CEACAM1: variants seen among roughly 807,000 people sequenced by gnomAD.
The protein encoded by CEACAM1 is cell adhesion molecule CEACAM1.
In CEACAM1, 31 loss-of-function variants were observed where a neutral mutation model predicts 49.1. That is an observed-to-expected ratio of 0.63 (90% CI 0.47 to 0.85). The LOEUF (loss-of-function observed/expected upper bound fraction) is 0.85, where lower values mean the gene tolerates loss of function less well. CEACAM1 is among the 40% of genes least tolerant of loss of function. The pLI is 0.00. For missense variants in CEACAM1, 570 were observed against 645.3 expected, an observed-to-expected ratio of 0.88 and a Z score of 1.26; for synonymous variants, 244 against 247.8, an observed-to-expected ratio of 0.98 and a Z score of 0.14.
chr19:42,525,063 G>A (rs1473531007), intron 2 of CEACAM1, among the ~76,000 whole-genome samples: 1 of 152,104 alleles, frequency 6.6e-6, no homozygotes, highest in African/African-American at 2.4e-5. Flanking sequence ...ACTACTGAGT[G>A]TGTGTTTCAT....
Position 42,512,405 on chromosome 19 carries a change from C to T in CEACAM1, c.1321G>A (p.Val441Ile), listed in dbSNP as rs1166641963. ...GCCAGGGCTACTGCTATCAGAGCAA[C>T]CAGGGCCACTACTCCAATCACAATG... ...AGIVIGVVAL[V>I]ALIAVALACF... The change falls in exon 6 of 9, where the codon GTT becomes ATT. Residue 441 changes from valine to isoleucine, a missense_variant. By Grantham distance (29) the Val-to-Ile change is conservative. Transcript: ENST00000161559. 3.7e-6 allele frequency: 6 copies of T among 1,614,078 alleles called. No homozygotes were observed. Among genetic ancestry groups the T allele is most frequent in the Admixed American group, 1.7e-5 (1 of 60,002 alleles).
intron 1 of CEACAM1, among the ~76,000 whole-genome samples, chr19:42,528,045 T>C (rs1335944269): frequency 6.6e-6 from 1 of 152,234 alleles, no homozygotes; most frequent in Non-Finnish European, 1.5e-5. Flanking sequence ...CTGACTTAAA[T>C]TGTGATTATT....
intron 5 of CEACAM1, chr19:42,516,934 A>C: frequency 2.6e-6 from 1 of 387,586 alleles, no homozygotes; most frequent in South Asian, 1.9e-5. Context: ...ACAAACAAAC[A>C]AAATCCAAAA....
At chr19:42,511,861 A>T (rs2041464492) in intron 6 of CEACAM1, among the ~76,000 whole-genome samples, 1 of 149,210 alleles carries the variant, frequency 6.7e-6, no homozygotes, top group African/African-American at 2.5e-5. Flanking sequence ...TTCTGTGCCT[A>T]CTTCTATCCT....
intron 5 of CEACAM1, among the ~76,000 whole-genome samples, chr19:42,514,836 G>T (rs181259740): frequency 5.4e-4 from 82 of 152,308 alleles, no homozygotes; most frequent in Non-Finnish European, 8.8e-4. Flanking sequence ...CTAGTGAGAG[G>T]TGGATCTGAG....
chr19:42,519,472 A>G (rs1472174833), intron 4 of CEACAM1: 8 of 522,610 alleles, frequency 1.5e-5, no homozygotes, highest in Non-Finnish European at 2.4e-5. Flanking sequence ...ATCGTCTCAG[A>G]GTGACCCTCT....
At position 42,507,456 on chromosome 19, in the gene CEACAM1, G is replaced by GA. The variant is rs1342814728; in HGVS notation, c.*1652dup. The stretch of plus-strand genomic sequence containing the variant: ...GTCCGTGTCAGGGTTAGAAAACCCT[G>GA]AAAGAGGTACCTGAGTATAGAGAAC... On this transcript the variant is annotated 3_prime_UTR_variant, in exon 9 of 9. Transcript: ENST00000161559. 6.6e-6 allele frequency: 1 copy of GA among 152,174 alleles called. No homozygotes were observed. Among genetic ancestry groups the GA allele is most frequent in the Admixed American group, 6.5e-5 (1 of 15,282 alleles). The allele number at this position is 152,174 out of a possible 1,614,324, so 9.4% of individuals were successfully genotyped here. A position where few individuals can be genotyped will look rare whatever the true frequency, so the allele number is the denominator to read the frequency against.
chr19:42,517,298 A>T (rs2041623475), intron 5 of CEACAM1, among the ~76,000 whole-genome samples: 1 of 152,274 alleles, frequency 6.6e-6, no homozygotes, highest in Non-Finnish European at 1.5e-5. Context: ...CTAAAAGCAT[A>T]GGCAACGAAA....
rs184381209 is a variant in CEACAM1 at position 42,522,241 on chromosome 19, C to T, written c.425-39G>A. 220 of 1,608,128 alleles carry T rather than the reference C, an allele frequency of 1.4e-4. No individual in the cohort carries two copies. In the East Asian group the frequency reaches 4.8e-3, roughly 35 times the overall value. ...AGAGAGAAGATTGCCCTGTGTGGCA[C>T]CTTTGATTCCTCCACAGGCATTTTT... On this transcript the variant is annotated intron_variant, in intron 2 of 8. Transcript: ENST00000161559.
chr19:42,520,486 C>CCCTAGTGGCATG (rs1189950357), intron 4 of CEACAM1: 1 of 152,384 alleles, frequency 6.6e-6, no homozygotes, highest in Non-Finnish European at 1.5e-5. Flanking sequence ...GCCTCAGCCT[C>CCCTAGTGGCATG]CCTAGTGGCA....
chr19:42,521,029 G>A (rs2041731607), intron 4 of CEACAM1: 1 of 518,070 alleles, frequency 1.9e-6, no homozygotes, highest in Non-Finnish European at 3.4e-6. Context: ...GGGGCTTTCT[G>A]GGGCTGAGAG....
intron 5 of CEACAM1, among the ~76,000 whole-genome samples, chr19:42,513,326 C>T (rs1177612531): frequency 2.0e-5 from 3 of 152,266 alleles, no homozygotes; most frequent in Middle Eastern, 3.4e-3. Flanking sequence ...AGGCCGGGCG[C>T]GGTGGCTGAC....
At chr19:42,524,231 AG>A (rs761790084) in intron 2 of CEACAM1, among the ~76,000 whole-genome samples, 5 of 152,338 alleles carry the variant, frequency 3.3e-5, no homozygotes, top group Non-Finnish European at 5.9e-5. Context: ...TGTCATCATG[AG>A]GACACAGGTG....
chr19:42,527,223 C>A lies in CEACAM1; in HGVS notation c.242G>T (p.Gly81Val), dbSNP rs763466920. The change falls in exon 2 of 9, where the codon GGA becomes GTA. Residue 81 changes from glycine (G) to valine (V), a missense_variant. By Grantham distance (109) the Gly-to-Val change is moderately radical. Coordinates refer to ENST00000161559, the MANE Select transcript of CEACAM1 (RefSeq NM_001712.5). ...ERVDGNRQIV[G>V]YAIGTQQATP... ...AGCTTGTTGAGTTCCTATTGCATAT[C>A]CTACAATTTGACGGTTGCCATCCAC... The A allele has an allele frequency of 2.5e-6, 4 of 1,613,834 alleles. No homozygotes were observed. The South Asian group carries it at 4.4e-5, about 18-fold the overall frequency.
Position 42,508,257 on chromosome 19 carries a change from G to A in CEACAM1, c.*852C>T, listed in dbSNP as rs2041377240. On this transcript the variant is annotated 3_prime_UTR_variant, in exon 9 of 9. Transcript: ENST00000161559. ...TTTAACAATAATTTAAATAATCGCTGAAGGGCAGCTCTCTGATTCCTTTCC... is the reference window on the plus strand; with the variant it reads ...TTTAACAATAATTTAAATAATCGCTAAAGGGCAGCTCTCTGATTCCTTTCC... 1 of 152,198 alleles carries A rather than the reference G, an allele frequency of 6.6e-6. No homozygotes were observed. The highest frequency in any genetic ancestry group is 6.5e-5 in the Admixed American group (1 of 15,284). The allele number at this position is 152,198 out of a possible 1,614,324, so 9.4% of individuals were successfully genotyped here.
At chr19:42,526,436 C>T (rs1255345243) in intron 2 of CEACAM1, among the ~76,000 whole-genome samples, 1 of 152,172 alleles carries the variant, frequency 6.6e-6, no homozygotes, top group Admixed American at 6.5e-5. Flanking sequence ...GTCCATCTGT[C>T]CTCTCCAGGC....
At position 42,528,460 on chromosome 19, in the gene CEACAM1, GCTGT is replaced by G; in HGVS notation, c.-90_-87del. 7.5e-7 allele frequency: 1 copy of G among 1,325,126 alleles called. No homozygotes were observed. The highest frequency in any genetic ancestry group is 1.1e-6 in the Non-Finnish European group (1 of 925,228). The allele number at this position is 1,325,126 out of a possible 1,614,324, so 82.1% of individuals were successfully genotyped here. A position where few individuals can be genotyped will look rare whatever the true frequency, so the allele number is the denominator to read the frequency against. On this transcript the variant is annotated 5_prime_UTR_variant, in exon 1 of 9. Coordinates refer to ENST00000161559, the MANE Select transcript of CEACAM1 (RefSeq NM_001712.5). ...CGAGCACGGCTGCTCTGTCACCTCT[GCTGT>G]TTTCCACTCTCTGTGCTGAGCCTCC...
intron 8 of CEACAM1, 132 bp downstream of exon 8, chr19:42,510,757 A>G: frequency 1.2e-6 from 1 of 812,390 alleles, no homozygotes; most frequent in Non-Finnish European, 2.1e-6. Flanking sequence ...GAGTGATTAC[A>G]AATACGTCTT....
intron 2 of CEACAM1, among the ~76,000 whole-genome samples, chr19:42,522,496 C>T (rs985097398): frequency 9.9e-5 from 15 of 151,878 alleles, no homozygotes; most frequent in Non-Finnish European, 2.1e-4. Context: ...GCAATCCGCC[C>T]GATTCGGCCT....
Sources: allele counts gnomAD v4.1 joint callset (sites outside exome capture counted in the v4.1 genomes callset), GRCh38; gene constraint gnomAD v4.1.1; transcripts MANE v1.5; gene names NCBI Gene and HGNC (gene_info 2026-07-23, HGNC 2026-07-21).